STK3: variants seen among roughly 807,000 people sequenced by gnomAD.
STK3 encodes serine/threonine kinase 3.
In STK3, 41 loss-of-function variants were observed where a neutral mutation model predicts 58.0. The observed-to-expected ratio is 0.71, with a 90% CI of 0.55 to 0.92. The LOEUF (loss-of-function observed/expected upper bound fraction) is 0.92. Ranked by LOEUF, STK3 falls within the 40% of genes least tolerant of loss-of-function variation. The pLI is 0.00. For synonymous variants in STK3, 170 were observed against 191.0 expected (o/e 0.89, Z 0.91); for missense variants, 479 against 602.7 (o/e 0.79, Z 2.15).
At chr8:98,822,889 G>C (rs868596914) in intron 1 of STK3, among the ~76,000 whole-genome samples, 4 of 152,200 alleles carry the variant, frequency 2.6e-5, no homozygotes, top group Non-Finnish European at 4.4e-5. Flanking sequence ...TGAGCTGGGC[G>C]TGGTGGCGCC....
intron 1 of STK3, among the ~76,000 whole-genome samples, chr8:98,820,467 A>C (rs1183711909): frequency 6.6e-6 from 1 of 151,718 alleles, no homozygotes; most frequent in East Asian, 1.9e-4. Context: ...CCTATCTGGT[A>C]AAGTGTCTCA....
At chr8:98,585,479 T>C (rs1188367503) in intron 7 of STK3, among the ~76,000 whole-genome samples, 2 of 151,434 alleles carry the variant, frequency 1.3e-5, no homozygotes, top group Non-Finnish European at 2.9e-5. Context: ...ACCAGTACCA[T>C]GCTGTTTTGG....
intron 3 of STK3, among the ~76,000 whole-genome samples, chr8:98,408,710 C>A (rs923736716): frequency 6.6e-6 from 1 of 152,258 alleles, no homozygotes; most frequent in Non-Finnish European, 1.5e-5. Context: ...AAGCCAGAGG[C>A]TGGCTGGCAG....
chr8:98,516,087 T>C (rs1004370973), intron 10 of STK3, among the ~76,000 whole-genome samples: 6 of 152,096 alleles, frequency 3.9e-5, no homozygotes, highest in Non-Finnish European at 7.4e-5. Flanking sequence ...ATTTTCAATA[T>C]AAAGACTGGC....
chr8:98,873,730 G>A (rs1837465248), intron 3 of STK3, among the ~76,000 whole-genome samples: 1 of 151,522 alleles, frequency 6.6e-6, no homozygotes, highest in Admixed American at 6.6e-5. Context: ...TTGAGCCTAT[G>A]TGGGTCTCTG....
chr8:98,767,052 C>T (rs746808123), intron 3 of STK3, among the ~76,000 whole-genome samples, 191 bp downstream of exon 3: 15 of 152,136 alleles, frequency 9.9e-5, no homozygotes, highest in Non-Finnish European at 2.2e-4. Flanking sequence ...ACCCAGAAAG[C>T]GGAGGTTGTG....
At chr8:98,795,079 C>CAAAAA (rs35865316) in intron 1 of STK3, among the ~76,000 whole-genome samples, 1 of 13,378 alleles carries the variant, frequency 7.5e-5, no homozygotes, top group Non-Finnish European at 1.0e-4. Flanking sequence ...AACTCCGTCG[C>CAAAAA]AAAAAAAAAA....
At chr8:98,586,337 T>A (rs1814590813) in intron 7 of STK3, among the ~76,000 whole-genome samples, 1 of 152,182 alleles carries the variant, frequency 6.6e-6, no homozygotes, top group African/African-American at 2.4e-5. Context: ...AGGCCTTTTC[T>A]GCATCTAATG....
At chr8:98,821,059 G>A (rs1834866097) in intron 1 of STK3, among the ~76,000 whole-genome samples, 1 of 152,086 alleles carries the variant, frequency 6.6e-6, no homozygotes, top group Admixed American at 6.5e-5. Context: ...TAATAAAGGA[G>A]TCCCCAACTC....
At chr8:98,892,307 T>G (rs1838228516) in intron 1 of STK3, among the ~76,000 whole-genome samples, 1 of 152,228 alleles carries the variant, frequency 6.6e-6, no homozygotes, top group African/African-American at 2.4e-5. Context: ...CCAGGATGAC[T>G]GTGGTTACCT....
At chr8:98,582,960 C>G (rs1415018008) in intron 7 of STK3, among the ~76,000 whole-genome samples, 1 of 152,050 alleles carries the variant, frequency 6.6e-6, no homozygotes, top group East Asian at 1.9e-4. Flanking sequence ...ATTAATATAT[C>G]AAGTTTATAA....
intron 3 of STK3, among the ~76,000 whole-genome samples, chr8:98,831,228 A>C (rs890845432): frequency 6.6e-6 from 1 of 152,168 alleles, no homozygotes; most frequent in African/African-American, 2.4e-5. Context: ...AAACATATTA[A>C]GGTAAAAATT....
intron 4 of STK3, among the ~76,000 whole-genome samples, chr8:98,740,241 G>C (rs1442268796): frequency 1.3e-5 from 2 of 152,008 alleles, no homozygotes; most frequent in African/African-American, 2.4e-5. Flanking sequence ...GAAATACAGA[G>C]AACGCCACAA....
chr8:98,671,232 A>T (rs1353143783), intron 6 of STK3, among the ~76,000 whole-genome samples: 3 of 152,186 alleles, frequency 2.0e-5, no homozygotes, highest in Non-Finnish European at 4.4e-5. Flanking sequence ...TTACCTATGA[A>T]ATTAAGGACA....
intron 4 of STK3, among the ~76,000 whole-genome samples, chr8:98,718,576 T>C (rs76477096): frequency 0.011 from 1,737 of 152,290 alleles, 34 homozygotes; most frequent in African/African-American, 0.04. Flanking sequence ...GGTATTCTAA[T>C]TTCAGTTATG....
chr8:98,552,895 C>A (rs1017747305), intron 8 of STK3, among the ~76,000 whole-genome samples: 1 of 152,074 alleles, frequency 6.6e-6, no homozygotes, highest in African/African-American at 2.4e-5. Flanking sequence ...AAGTAGTACA[C>A]CAGACATTGG....
chr8:98,659,323 T>C (rs1485306122), intron 6 of STK3, among the ~76,000 whole-genome samples: 3 of 152,012 alleles, frequency 2.0e-5, no homozygotes, highest in Admixed American at 6.6e-5. Context: ...CAGCACCAAA[T>C]TTCTTTTCCA....
intron 1 of STK3, among the ~76,000 whole-genome samples, chr8:98,801,684 C>T (rs894225669): frequency 1.3e-5 from 2 of 152,124 alleles, no homozygotes; most frequent in African/African-American, 4.8e-5. Flanking sequence ...GAACAAACTC[C>T]GGACACACCA....
chr8:98,774,087 C>T (rs1294734822), intron 2 of STK3, among the ~76,000 whole-genome samples: 2 of 152,138 alleles, frequency 1.3e-5, no homozygotes, highest in East Asian at 1.9e-4. Flanking sequence ...TGAGCCACCG[C>T]GACCGGCCTA....
Sources: gnomAD v4.1 joint callset for allele counts (sites outside exome capture counted in the v4.1 genomes callset) on GRCh38, gnomAD v4.1.1 for gene constraint, MANE v1.5 for transcripts, NCBI Gene and HGNC (gene_info 2026-07-23, HGNC 2026-07-21) for gene names.